EIF3A: variants seen among roughly 807,000 people sequenced by gnomAD.
The protein encoded by EIF3A is EIF3, p180 subunit.
In EIF3A, 21 loss-of-function variants were observed where a neutral mutation model predicts 186.6. That is an observed-to-expected ratio of 0.11 (90% CI 0.08 to 0.16). The LOEUF is 0.16. EIF3A is among the 10% of genes least tolerant of loss of function. The pLI is 1.00. For missense variants in EIF3A, 1,306 were observed against 1,796.3 expected (o/e 0.73, Z 4.93); for synonymous variants, 563 against 584.3 (o/e 0.96, Z 0.52).
At chr10:119,072,363 A>G (rs1392180508) in intron 4 of EIF3A, among the ~76,000 whole-genome samples, 2 of 152,206 alleles carry the variant, frequency 1.3e-5, no homozygotes, top group South Asian at 2.1e-4. Flanking sequence ...GATCTTTCAG[A>G]TATCAATAAA....
intron 1 of EIF3A, among the ~76,000 whole-genome samples, chr10:119,077,383 G>A (rs931890972): frequency 4.6e-5 from 7 of 151,914 alleles, no homozygotes; most frequent in African/African-American, 1.2e-4. Context: ...CCTGGGAGGC[G>A]GAGGTTGCAG....
intron 19 of EIF3A, 126 bp downstream of exon 19, chr10:119,041,868 T>A: frequency 9.5e-7 from 1 of 1,054,138 alleles, no homozygotes; most frequent in Non-Finnish European, 1.4e-6. Flanking sequence ...TCACTGCAAA[T>A]GATACTGAAG....
rs924192257 is a variant in EIF3A at position 119,034,663 on chromosome 10, T to C, written c.*1376A>G. The C allele has an allele frequency of 2.6e-5, 4 of 152,178 alleles. No individual in the cohort carries two copies. Among genetic ancestry groups the C allele is most frequent in the African/African-American group, 4.8e-5 (2 of 41,444 alleles). The allele number at this position is 152,178 out of a possible 1,614,324, so 9.4% of individuals were successfully genotyped here. A position where few individuals can be genotyped will look rare whatever the true frequency, so the allele number is the denominator to read the frequency against. ...TCTTCTGGCCCTACAGCTGTACCAA[T>C]AGGAATTCTCACCACTACTCAATAA... On this transcript the variant is annotated 3_prime_UTR_variant, in exon 22 of 22. Coordinates refer to ENST00000369144, the MANE Select transcript of EIF3A (RefSeq NM_003750.4).
rs564206648 is a variant in EIF3A, at chr10:119,050,089, A to C, written c.2474-104T>G. On this transcript the variant is annotated intron_variant, in intron 16 of 21. Transcript: ENST00000369144. The stretch of plus-strand genomic sequence containing the variant: ...AAACAGGTAGCATAATGTACAAGTA[A>C]AAGAATTTGAAAATAGTTTGTAATC... 1.4e-5 allele frequency: 15 copies of C among 1,109,954 alleles called. No homozygotes were observed. The South Asian group carries it at 2.0e-4, about 14-fold the overall frequency. 68.8% of individuals were successfully genotyped at this position (1,109,954 alleles called of 1,614,324 possible). A position where few individuals can be genotyped will look rare whatever the true frequency, so the allele number is the denominator to read the frequency against.
chr10:119,055,980 G>GA lies in EIF3A; in HGVS notation c.2196+759dup, dbSNP rs36043799. On this transcript the variant is annotated intron_variant, in intron 14 of 21. Transcript: ENST00000369144. The stretch of plus-strand genomic sequence containing the variant: ...TATCACAAAAATTCCAACTTTTCCA[G>GA]AAAAAAAAATGGGAAGGGCTGGCAA... Among the ~76,000 whole-genome samples, 735 of 149,758 alleles carry GA rather than the reference G, an allele frequency of 4.9e-3. 4 individuals are homozygous for GA. Among genetic ancestry groups the GA allele is most frequent in the Middle Eastern group, 0.021 (6 of 292 alleles).
chr10:119,069,699 G>T, intron 5 of EIF3A, 45 bp from the exon 6 acceptor site: 1 of 935,960 alleles, frequency 1.1e-6, no homozygotes, highest in South Asian at 1.4e-5. Flanking sequence ...TCTATAACAC[G>T]AAAAAAATCT....
intron 17 of EIF3A, 112 bp downstream of exon 17, chr10:119,049,689 T>C (rs1007709481): frequency 1.4e-5 from 12 of 858,830 alleles, no homozygotes; most frequent in Admixed American, 2.3e-5. Context: ...GGGCTGAGAT[T>C]GCACCACTGT....
chr10:119,036,245 C>T lies in EIF3A; in HGVS notation c.3943G>A (p.Asp1315Asn). 1 of 1,613,332 alleles carries T rather than the reference C, an allele frequency of 6.2e-7. No homozygotes were observed. Among genetic ancestry groups the T allele is most frequent in the Non-Finnish European group, 8.5e-7 (1 of 1,179,846 alleles). Residue 1315 changes from aspartate to asparagine, a missense_variant, in exon 22 of 22, where the codon GAC becomes AAC. By Grantham distance (23) the Asp-to-Asn change is conservative. Around this residue, in one of 8 missense-constraint regions of EIF3A, gnomAD observed 331 missense variants for 365.8 expected, o/e 0.90. Coordinates refer to ENST00000369144, the MANE Select transcript of EIF3A (RefSeq NM_003750.4). ...EEVSSWRRADDRKDDRVEERD... is the reference protein window; with the variant it reads ...EEVSSWRRADNRKDDRVEERD... ...TCTTCCACCCGGTCATCTTTCCTGTCATCAGCACGTCTCCAAGAACTTACT... is the reference window on the plus strand; with the variant it reads ...TCTTCCACCCGGTCATCTTTCCTGTTATCAGCACGTCTCCAAGAACTTACT...
At chr10:119,036,956 A>G (rs1187174903) in intron 21 of EIF3A, among the ~76,000 whole-genome samples, 163 bp downstream of exon 21, 1 of 151,982 alleles carries the variant, frequency 6.6e-6, no homozygotes, top group Non-Finnish European at 1.5e-5. Flanking sequence ...ACTTTACAAC[A>G]TGACCATTGA....
rs1258935321 is a variant in EIF3A, at chr10:119,069,606, T to C, written c.790A>G (p.Lys264Glu). 1.2e-6 allele frequency: 2 copies of C among 1,603,066 alleles called. No homozygotes were observed. Among genetic ancestry groups the C allele is most frequent in the Non-Finnish European group, 1.7e-6 (2 of 1,170,136 alleles). ...ATCAACTGAGGTTTAGGTGGTTTTT[T>C]AGACAAGGAGAATAGCCCGTGAATA... The part of the protein sequence containing the change: ...EDIHGLFSLS[K>E]KPPKPQLMAN... Residue 264 changes from lysine to glutamate, a missense_variant, in exon 6 of 22, where the codon AAA becomes GAA. By Grantham distance (56) the Lys-to-Glu change is moderately conservative. Transcript: ENST00000369144.
intron 1 of EIF3A, among the ~76,000 whole-genome samples, chr10:119,075,622 G>GA (rs35824230): frequency 1.1e-3 from 1 of 876 alleles, no homozygotes; most frequent in Non-Finnish European, 8.3e-3. Flanking sequence ...AAAAAAAAAA[G>GA]GGGGGGAGCT....
intron 7 of EIF3A, 84 bp from the exon 8 acceptor site, chr10:119,061,412 G>C (rs1380463327): frequency 1.8e-6 from 1 of 569,180 alleles, no homozygotes; most frequent in African/African-American, 1.9e-5. Flanking sequence ...GATAGCATTG[G>C]AAATCTGGAA....
intron 7 of EIF3A, among the ~76,000 whole-genome samples, chr10:119,062,711 G>A (rs905097345): frequency 1.4e-5 from 2 of 147,018 alleles, no homozygotes; most frequent in African/African-American, 5.0e-5. Flanking sequence ...ACAACATATT[G>A]CAGTATATTA....
In EIF3A at chr10:119,050,015, C is replaced by T. The variant is rs754237239; in HGVS notation, c.2474-30G>A. ...ACCATTGATTAGGTTACTAAGTGTG[C>T]CTCCCAGCCATATCTTCCCCCTAGT... On this transcript the variant is annotated intron_variant, in intron 16 of 21. Transcript: ENST00000369144. The T allele has an allele frequency of 7.5e-6, 12 of 1,604,196 alleles. No individual in the cohort carries two copies. The Admixed American group carries it at 2.0e-4, about 27-fold the overall frequency.
chr10:119,069,961 A>C (rs1209349809), intron 5 of EIF3A, among the ~76,000 whole-genome samples: 1 of 152,220 alleles, frequency 6.6e-6, no homozygotes, highest in Admixed American at 6.5e-5. Flanking sequence ...GATATACAAC[A>C]GGTTATTTCT....
intron 14 of EIF3A, among the ~76,000 whole-genome samples, chr10:119,052,587 G>A (rs776714040): frequency 5.9e-5 from 9 of 151,992 alleles, no homozygotes; most frequent in African/African-American, 2.2e-4. Context: ...TGTTGCCCAG[G>A]CTGGTCTCAA....
chr10:119,048,271 G>C (rs973568772), intron 17 of EIF3A, among the ~76,000 whole-genome samples: 1 of 152,126 alleles, frequency 6.6e-6, no homozygotes, highest in African/African-American at 2.4e-5. Context: ...GGAAGATGAT[G>C]ATGAGGAAGA....
Position 119,059,725 on chromosome 10 carries a change from A to C in EIF3A, c.1327-7T>G, listed in dbSNP as rs1843850451. ...TCTGATAAATCTGTGACACCTGCAT[A>C]GAAAACAAAGGGTTAATAACACTAG... On this transcript the variant is annotated splice_region_variant and splice_polypyrimidine_tract_variant and intron_variant, in intron 9 of 21. Coordinates refer to ENST00000369144, the MANE Select transcript of EIF3A (RefSeq NM_003750.4). The C allele has an allele frequency of 6.3e-7, 1 of 1,579,974 alleles. No individual in the cohort carries two copies. Among genetic ancestry groups the C allele is most frequent in the South Asian group, 1.1e-5 (1 of 90,370 alleles).
At chr10:119,057,443 T>C (rs1190834192) in intron 12 of EIF3A, among the ~76,000 whole-genome samples, 1 of 152,058 alleles carries the variant, frequency 6.6e-6, no homozygotes, top group East Asian at 1.9e-4. Context: ...TTATGTAAAA[T>C]AGTGTACAAA....
Sources: gnomAD v4.1 joint callset for allele counts (sites outside exome capture counted in the v4.1 genomes callset) on GRCh38, gnomAD v4.1.1 for gene constraint, gnomAD v4.1.1 regional missense constraint, MANE v1.5 for transcripts, NCBI Gene and HGNC (gene_info 2026-07-23, HGNC 2026-07-21) for gene names.